The following INO80 variants were observed in gnomAD, a reference collection of about 807,000 sequenced individuals.
INO80 encodes chromatin-remodeling ATPase INO80.
In INO80, 20 loss-of-function variants were observed where a neutral mutation model predicts 203.4. The ratio of observed to expected loss-of-function variants is 0.10; its 90% CI spans 0.07 to 0.14. INO80 has a LOEUF of 0.14. Among genes scored for constraint, INO80 ranks in the 10% least tolerant of loss-of-function variants. INO80 has a pLI of 1.00. For missense variants in INO80, 1,419 were observed against 1,914.4 expected, an observed-to-expected ratio of 0.74 and a Z score of 4.83; for synonymous variants, 726 against 685.2, an observed-to-expected ratio of 1.06 and a Z score of -0.93.
chr15:41,074,985 C>A (rs2045381428), intron 9 of INO80, among the ~76,000 whole-genome samples: 1 of 152,172 alleles, frequency 6.6e-6, no homozygotes, highest in African/African-American at 2.4e-5. Context: ...GATCCACTGG[C>A]TTCAGCATCC....
intron 24 of INO80, among the ~76,000 whole-genome samples, chr15:41,032,063 G>GCACAGCACAGC (rs1303342631): frequency 3.4e-5 from 2 of 58,992 alleles, no homozygotes; most frequent in African/African-American, 1.2e-4. Flanking sequence ...CACAGCACAG[G>GCACAGCACAGC]ACAGCACAGG....
chr15:41,039,068 T>C (rs967021196), intron 24 of INO80, among the ~76,000 whole-genome samples: 1 of 152,238 alleles, frequency 6.6e-6, no homozygotes, highest in Non-Finnish European at 1.5e-5. Flanking sequence ...TTTTCTGTCA[T>C]TACTGTCCTT....
intron 1 of INO80, among the ~76,000 whole-genome samples, chr15:41,110,069 T>C (rs1237891088): frequency 2.0e-5 from 3 of 148,032 alleles, no homozygotes; most frequent in Non-Finnish European, 4.5e-5. Flanking sequence ...CACACCAACC[T>C]GGGCAACAAG....
chr15:41,060,729 G>A (rs529843106), intron 14 of INO80, among the ~76,000 whole-genome samples: 14 of 152,196 alleles, frequency 9.2e-5, no homozygotes, highest in East Asian at 3.9e-4. Flanking sequence ...AATAGGTACC[G>A]ACTCCCCGCC....
intron 9 of INO80, among the ~76,000 whole-genome samples, chr15:41,078,473 A>G (rs1158906563): frequency 8.2e-6 from 1 of 121,914 alleles, no homozygotes; most frequent in Non-Finnish European, 1.7e-5. Context: ...AAAAGCATCA[A>G]ATGTTTACTA....
intron 27 of INO80, among the ~76,000 whole-genome samples, chr15:41,014,356 C>A (rs2044173286): frequency 6.6e-6 from 1 of 152,166 alleles, no homozygotes; most frequent in Non-Finnish European, 1.5e-5. Context: ...CTTTCCCTGC[C>A]TCTTGAGGAC....
intron 1 of INO80, among the ~76,000 whole-genome samples, chr15:41,107,728 A>C (rs181414685): frequency 6.6e-6 from 1 of 152,238 alleles, no homozygotes; most frequent in East Asian, 1.9e-4. Context: ...TGAGCCTGGG[A>C]AACAGAGGTG....
rs182560478 is a variant in INO80, at chr15:41,056,353, C to T, written c.2070+269G>A. On this transcript the variant is annotated intron_variant, in intron 17 of 35. Transcript: ENST00000648947. ...TTACATTTCAACTCTAGCAAAAACA[C>T]GTCTCTGCATTAAATGTTTACATTT... Among the ~76,000 whole-genome samples, 25 of 152,298 alleles carry T rather than the reference C, an allele frequency of 1.6e-4. 2 individuals carry two copies. Among genetic ancestry groups the T allele is most frequent in the Admixed American group, 1.5e-3 (23 of 15,288 alleles).
At chr15:41,007,182 CTTTTTTTTTTTT>C (rs11330780) in intron 27 of INO80, among the ~76,000 whole-genome samples, 3 of 119,312 alleles carry the variant, frequency 2.5e-5, no homozygotes, top group Non-Finnish European at 5.1e-5. Flanking sequence ...TTTTTTTTTT[CTTTTTTTTTTTT>C]TTTTTTTTAG....
At chr15:41,032,137 C>T (rs750099576) in intron 24 of INO80, among the ~76,000 whole-genome samples, 1 of 151,982 alleles carries the variant, frequency 6.6e-6, no homozygotes, top group Admixed American at 6.6e-5. Flanking sequence ...CGATGTTTTT[C>T]CCTCAGACCT....
intron 1 of INO80, among the ~76,000 whole-genome samples, chr15:41,099,354 C>T (rs1295997074): frequency 1.3e-5 from 2 of 149,328 alleles, no homozygotes; most frequent in South Asian, 2.1e-4. Flanking sequence ...CCCATTGTGG[C>T]GATAGTTCCA....
At chr15:41,012,561 T>TTAAAAAAA (rs552096950) in intron 27 of INO80, among the ~76,000 whole-genome samples, 5 of 90,806 alleles carry the variant, frequency 5.5e-5, no homozygotes, top group East Asian at 3.7e-4. Flanking sequence ...AGACTCTTTT[T>TTAAAAAAA]AAAAAAAAAA....
In INO80 at chr15:41,031,547, G is replaced by GA. The variant is rs149255934; in HGVS notation, c.2908-3812dup. On this transcript the variant is annotated intron_variant, in intron 24 of 35. Transcript: ENST00000648947. ...GAGGAAGGAGAAGGGAGGAAGGGAG[G>GA]AGGGAGGAAGGGAGGAAGGGAGGAA... Among the ~76,000 whole-genome samples the GA allele has an allele frequency of 7.0e-3, 36 of 5,154 alleles. 3 individuals carry two copies. Among genetic ancestry groups the GA allele is most frequent in the Non-Finnish European group, 0.012 (20 of 1,614 alleles). 3.4% of individuals were successfully genotyped at this position (5,154 alleles called of 152,430 possible). A position where few individuals can be genotyped will look rare whatever the true frequency, so the allele number is the denominator to read the frequency against.
At chr15:40,986,680 C>CA (rs1324294114) in intron 31 of INO80, among the ~76,000 whole-genome samples, 3 of 152,102 alleles carry the variant, frequency 2.0e-5, no homozygotes, top group Non-Finnish European at 4.4e-5. Flanking sequence ...GGCTGGAGTG[C>CA]AATGGCATGA....
chr15:41,104,583 G>A (rs943593357), intron 1 of INO80, among the ~76,000 whole-genome samples: 1 of 151,908 alleles, frequency 6.6e-6, no homozygotes, highest in African/African-American at 2.4e-5. Flanking sequence ...TTTCTCCCAG[G>A]CTGGAGTGCA....
chr15:41,006,645 C>T (rs965539637), intron 27 of INO80, among the ~76,000 whole-genome samples: 1 of 152,164 alleles, frequency 6.6e-6, no homozygotes, highest in Non-Finnish European at 1.5e-5. Context: ...TTTGGAATAT[C>T]TGGTGCAGCG....
intron 19 of INO80, among the ~76,000 whole-genome samples, chr15:41,051,818 G>A (rs1300159587): frequency 1.3e-5 from 2 of 151,934 alleles, no homozygotes; most frequent in South Asian, 2.1e-4. Context: ...TTAGCTGGGC[G>A]TTAGTGGTAC....
intron 28 of INO80, among the ~76,000 whole-genome samples, chr15:41,003,426 T>G (rs1017833417): frequency 1.4e-5 from 2 of 144,656 alleles, no homozygotes; most frequent in African/African-American, 5.0e-5. Context: ...AACTCCCGAA[T>G]TCAAGTGATT....
At chr15:41,090,112 T>C (rs1396606619) in intron 5 of INO80, among the ~76,000 whole-genome samples, 1 of 152,162 alleles carries the variant, frequency 6.6e-6, no homozygotes, top group Non-Finnish European at 1.5e-5. Context: ...ATATATAAGA[T>C]AAGGTATAAA....
Sources: gnomAD v4.1 joint callset for allele counts (sites outside exome capture counted in the v4.1 genomes callset) on GRCh38, gnomAD v4.1.1 for gene constraint, MANE v1.5 for transcripts, NCBI Gene and HGNC (gene_info 2026-07-23, HGNC 2026-07-21) for gene names.